PRKAA2: variants seen among roughly 807,000 people sequenced by gnomAD.
The protein encoded by PRKAA2 is protein kinase AMP-activated catalytic subunit alpha 2.
PRKAA2 carries 40 observed loss-of-function variants against 56.3 expected under a neutral mutation model. The observed-to-expected ratio is 0.71, with a 90% CI of 0.55 to 0.92. The LOEUF is 0.92. Among genes scored for constraint, PRKAA2 ranks in the 40% least tolerant of loss-of-function variants. The pLI, the probability that PRKAA2 is intolerant of heterozygous loss-of-function variation, is 0.00. For synonymous variants in PRKAA2, 214 were observed against 234.2 expected, an observed-to-expected ratio of 0.91 and a Z score of 0.79; for missense variants, 542 against 686.9, an observed-to-expected ratio of 0.79 and a Z score of 2.36.
intron 2 of PRKAA2, among the ~76,000 whole-genome samples, chr1:56,689,238 C>T (rs909748713): frequency 2.0e-5 from 3 of 152,146 alleles, no homozygotes; most frequent in Non-Finnish European, 2.9e-5. Context: ...ATTCAGTTTA[C>T]GTGATCACTT....
chr1:56,701,159 T>G lies in PRKAA2; in HGVS notation c.789-2812T>G, dbSNP rs74580962. Among the ~76,000 whole-genome samples, 47 of 152,334 alleles carry G rather than the reference T, an allele frequency of 3.1e-4. No homozygotes were observed. The East Asian group carries it at 8.9e-3, about 29-fold the overall frequency. On this transcript the variant is annotated intron_variant, in intron 6 of 8. Coordinates refer to ENST00000371244, the MANE Select transcript of PRKAA2 (RefSeq NM_006252.4). Reference sequence around the variant, plus strand: ...AATAATAGATTTTTTGAGTTTATTTTGAAAGTGCTTAACTTTTCTATTTGT... The same window carrying G: ...AATAATAGATTTTTTGAGTTTATTTGGAAAGTGCTTAACTTTTCTATTTGT...
chr1:56,645,464 C>T lies in PRKAA2; in HGVS notation c.77C>T (p.Thr26Ile). The change falls in exon 1 of 9, where the codon ACC becomes ATC. Residue 26 changes from threonine (T) to isoleucine (I), a missense_variant. Thr to Ile is a moderately conservative substitution (Grantham distance 89). Coordinates refer to ENST00000371244, the MANE Select transcript of PRKAA2 (RefSeq NM_006252.4). ...YVLGDTLGVG[T>I]FGKVKIGEHQ... is the part of the protein sequence containing the mutation. ...CTGGGCGACACGCTGGGCGTCGGCA[C>T]CTTCGGCAAAGTGAAGAGTTGAGTA... 1 of 1,499,926 alleles carries T rather than the reference C, an allele frequency of 6.7e-7. No homozygotes were observed. Among genetic ancestry groups the T allele is most frequent in the Non-Finnish European group, 8.9e-7 (1 of 1,117,864 alleles). 92.9% of individuals were successfully genotyped at this position (1,499,926 alleles called of 1,614,324 possible).
intron 1 of PRKAA2, 92 bp downstream of exon 1, chr1:56,645,573 G>C (rs951803451): frequency 1.2e-4 from 150 of 1,215,076 alleles, no homozygotes; most frequent in Non-Finnish European, 1.6e-4. Flanking sequence ...CGGCGGGCGC[G>C]GGGCTCGGCG....
At chr1:56,681,258 C>A (rs1644153379) in intron 2 of PRKAA2, among the ~76,000 whole-genome samples, 1 of 152,056 alleles carries the variant, frequency 6.6e-6, no homozygotes, top group African/African-American at 2.4e-5. Flanking sequence ...GGATATTAGC[C>A]CTTTGTCAGA....
chr1:56,649,555 TA>T (rs1280595680), intron 1 of PRKAA2, among the ~76,000 whole-genome samples: 3 of 152,078 alleles, frequency 2.0e-5, no homozygotes, highest in Non-Finnish European at 4.4e-5. Context: ...GATAGATAGA[TA>T]GATAGTTAGA....
At chr1:56,704,864 A>G (rs1297152030) in intron 7 of PRKAA2, among the ~76,000 whole-genome samples, 1 of 151,718 alleles carries the variant, frequency 6.6e-6, no homozygotes, top group Non-Finnish European at 1.5e-5. Flanking sequence ...GGTGGCTGTA[A>G]TAGCTAGTGG....
chr1:56,660,470 C>G (rs2100389480), intron 1 of PRKAA2, among the ~76,000 whole-genome samples: 1 of 152,284 alleles, frequency 6.6e-6, no homozygotes, highest in South Asian at 2.1e-4. Flanking sequence ...CAGCCTTACT[C>G]TCTAACTGAA....
chr1:56,648,832 A>G (rs1646665115), intron 1 of PRKAA2, among the ~76,000 whole-genome samples: 1 of 152,192 alleles, frequency 6.6e-6, no homozygotes, highest in Non-Finnish European at 1.5e-5. Context: ...GTCTCACGTA[A>G]TTACTAGTCA....
chr1:56,665,135 A>G (rs1315608622), intron 1 of PRKAA2, among the ~76,000 whole-genome samples: 1 of 146,706 alleles, frequency 6.8e-6, no homozygotes, highest in Non-Finnish European at 1.5e-5. Flanking sequence ...GTACAGTGGC[A>G]CTGTCTTGGC....
At position 56,710,010 on chromosome 1, in the gene PRKAA2, A is replaced by C. The variant is rs904144386; in HGVS notation, c.*2297A>C. On this transcript the variant is annotated 3_prime_UTR_variant, in exon 9 of 9. Transcript: ENST00000371244. Reference sequence around the variant, plus strand: ...TGGTTGGTTTTTAGAAGATTTCAGGAGATGCAGTCCAGCACAATTAGAGCT... The same window carrying C: ...TGGTTGGTTTTTAGAAGATTTCAGGCGATGCAGTCCAGCACAATTAGAGCT... 1.1e-4 allele frequency: 16 copies of C among 152,198 alleles called. No individual in the cohort carries two copies. Among genetic ancestry groups the C allele is most frequent in the African/African-American group, 3.9e-4 (16 of 41,558 alleles). 9.4% of individuals were successfully genotyped at this position (152,198 alleles called of 1,614,324 possible).
chr1:56,647,404 CTG>C (rs1327084763), intron 1 of PRKAA2, among the ~76,000 whole-genome samples: 2 of 152,190 alleles, frequency 1.3e-5, no homozygotes, highest in Non-Finnish European at 2.9e-5. Flanking sequence ...AGTTCATATA[CTG>C]TAATCTGAAT....
At chr1:56,669,791 A>G (rs944750400) in intron 1 of PRKAA2, among the ~76,000 whole-genome samples, 1 of 152,242 alleles carries the variant, frequency 6.6e-6, no homozygotes, top group Non-Finnish European at 1.5e-5. Flanking sequence ...AATTTTCAGC[A>G]TAGACCAGAG....
Position 56,704,162 on chromosome 1 carries a change from T to C in PRKAA2, c.980T>C (p.Ile327Thr). The change falls in exon 7 of 9, where the codon ATC becomes ACC. Residue 327 changes from isoleucine (I) to threonine (T), a missense_variant. Physicochemically the swap from Ile to Thr is moderately conservative, Grantham distance 89. Coordinates refer to ENST00000371244, the MANE Select transcript of PRKAA2 (RefSeq NM_006252.4). ...CAGCTTGCAGTGGCTTATCATCTTA[T>C]CATTGACAATCGGAGAATAATGAAC... ...QDQLAVAYHL[I>T]IDNRRIMNQA... is the part of the protein sequence containing the mutation. 1 of 1,614,174 alleles carries C rather than the reference T, an allele frequency of 6.2e-7. No homozygotes were observed. Among genetic ancestry groups the C allele is most frequent in the Non-Finnish European group, 8.5e-7 (1 of 1,180,022 alleles).
Position 56,692,578 on chromosome 1 carries a change from T to C in PRKAA2, c.475+76T>C. 3 of 1,460,752 alleles carry C rather than the reference T, an allele frequency of 2.1e-6. No individual in the cohort carries two copies. In the South Asian group the frequency reaches 4.0e-5, roughly 19 times the overall value. The allele number at this position is 1,460,752 out of a possible 1,614,324, so 90.5% of individuals were successfully genotyped here. ...TAACAACTCATTGAACTAAGAACTTTACTTTTCAACCTTGTACGTTCTGTA... is the reference window on the plus strand; with the variant it reads ...TAACAACTCATTGAACTAAGAACTTCACTTTTCAACCTTGTACGTTCTGTA... On this transcript the variant is annotated intron_variant, in intron 4 of 8. Coordinates refer to ENST00000371244, the MANE Select transcript of PRKAA2 (RefSeq NM_006252.4).
chr1:56,692,392 A>G lies in PRKAA2; in HGVS notation c.365A>G (p.Gln122Arg). Reference sequence around the variant, plus strand: ...ATGGAAGCCAGGCGGCTCTTTCAGCAGATTCTGTCTGCTGTGGATTACTGT... The same window carrying G: ...ATGGAAGCCAGGCGGCTCTTTCAGCGGATTCTGTCTGCTGTGGATTACTGT... ...EEMEARRLFQ[Q>R]ILSAVDYCHR... Residue 122 changes from glutamine (Q) to arginine (R), a missense_variant, in exon 4 of 9, where the codon CAG becomes CGG. Physicochemically the swap from Gln to Arg is conservative, Grantham distance 43. Coordinates refer to ENST00000371244, the MANE Select transcript of PRKAA2 (RefSeq NM_006252.4). 1.9e-6 allele frequency: 3 copies of G among 1,614,122 alleles called. No individual in the cohort carries two copies. The South Asian group carries it at 3.3e-5, about 18-fold the overall frequency.
At position 56,711,428 on chromosome 1, in the gene PRKAA2, G is replaced by C. The variant is rs1054585602; in HGVS notation, c.*3715G>C. 3 of 152,056 alleles carry C rather than the reference G, an allele frequency of 2.0e-5. No homozygotes were observed. Among genetic ancestry groups the C allele is most frequent in the Non-Finnish European group, 4.4e-5 (3 of 67,996 alleles). The allele number at this position is 152,056 out of a possible 1,614,324, so 9.4% of individuals were successfully genotyped here. On this transcript the variant is annotated 3_prime_UTR_variant, in exon 9 of 9. Coordinates refer to ENST00000371244, the MANE Select transcript of PRKAA2 (RefSeq NM_006252.4). ...TGGATTTATAAAATGTAAAAACCTG[G>C]AACATGCCTGCCACAGACACCACTT...
In PRKAA2 at chr1:56,712,609, T is replaced by TG. The variant is rs1254593075; in HGVS notation, c.*4899dup. ...GCTCATGCCTATAATCCCAGCACTT[T>TG]GGGAGGCCAAAGTGGGTGGATCACC... On this transcript the variant is annotated 3_prime_UTR_variant, in exon 9 of 9. Coordinates refer to ENST00000371244, the MANE Select transcript of PRKAA2 (RefSeq NM_006252.4). 1 of 152,166 alleles carries TG rather than the reference T, an allele frequency of 6.6e-6. No individual in the cohort carries two copies. Among genetic ancestry groups the TG allele is most frequent in the Non-Finnish European group, 1.5e-5 (1 of 68,032 alleles). The allele number at this position is 152,166 out of a possible 1,614,324, so 9.4% of individuals were successfully genotyped here.
intron 1 of PRKAA2, among the ~76,000 whole-genome samples, chr1:56,653,274 T>A (rs1438812600): frequency 6.7e-6 from 1 of 149,778 alleles, no homozygotes; most frequent in Admixed American, 6.7e-5. Context: ...ATATATATAA[T>A]ATATATATAA....
At chr1:56,685,601 C>T (rs1047844044) in intron 2 of PRKAA2, among the ~76,000 whole-genome samples, 2 of 152,130 alleles carry the variant, frequency 1.3e-5, no homozygotes, top group Admixed American at 1.3e-4. Flanking sequence ...GCTAGAGGTA[C>T]ACTACACTAC....
Sources: allele counts gnomAD v4.1 joint callset (sites outside exome capture counted in the v4.1 genomes callset), GRCh38; gene constraint gnomAD v4.1.1; transcripts MANE v1.5; gene names NCBI Gene and HGNC (gene_info 2026-07-23, HGNC 2026-07-21).